POU2F2: variants seen among roughly 807,000 people sequenced by gnomAD.
POU2F2 encodes the protein POU class 2 homeobox 2.
POU2F2 carries 14 observed loss-of-function variants against 63.5 expected under a neutral mutation model. The ratio of observed to expected loss-of-function variants is 0.22; its 90% CI spans 0.15 to 0.34. The LOEUF (loss-of-function observed/expected upper bound fraction) is 0.34. POU2F2 is among the 10% of genes least tolerant of loss of function. POU2F2 has a pLI of 1.00. For synonymous variants in POU2F2, 306 were observed against 348.6 expected (o/e 0.88, Z 1.36); for missense variants, 607 against 815.2 (o/e 0.74, Z 3.11).
intron 2 of POU2F2, among the ~76,000 whole-genome samples, chr19:42,158,570 T>C (rs1273537776): frequency 1.3e-5 from 2 of 152,180 alleles, no homozygotes; most frequent in Non-Finnish European, 2.9e-5. Context: ...CTGTGAGGAT[T>C]AAAAGCAAAG....
intron 14 of POU2F2, 32 bp downstream of exon 14, chr19:42,091,835 T>C: frequency 6.5e-7 from 1 of 1,539,372 alleles, no homozygotes; most frequent in Non-Finnish European, 8.7e-7. Context: ...ATAGGGCTGG[T>C]GACGATGGGT....
Position 42,126,593 on chromosome 19 carries a change from A to G in POU2F2, c.29-4017T>C, listed in dbSNP as rs367618028. On this transcript the variant is annotated intron_variant, in intron 1 of 14. Coordinates refer to ENST00000692977, the MANE Select transcript of POU2F2 (RefSeq NM_001394376.1). The stretch of plus-strand genomic sequence containing the variant: ...AACCCTGCTGACATCCTCGTCTTTA[A>G]CTTACAGCCTCCGTAATTGTGAAAA... Among the ~76,000 whole-genome samples the G allele has an allele frequency of 1.4e-4, 21 of 152,324 alleles. No individual in the cohort carries two copies. In the East Asian group the frequency reaches 1.9e-3, roughly 14 times the overall value.
rs1202860576 is a variant in POU2F2, at chr19:42,162,547, C to T, written c.-69-2155G>A. ...CTGATGTGTCTGACTCCAAAGCCTA[C>T]ATTTCCTGCAGCTGTGCACATAAAG... On this transcript the variant is annotated intron_variant, in intron 1 of 6. Coordinates refer to the POU2F2 transcript ENST00000524801. This position sits in a 1 kb window ranked among gnomAD's most constrained non-coding sequence, Gnocchi z 4.1. Among the ~76,000 whole-genome samples, 3 of 152,192 alleles carry T rather than the reference C, an allele frequency of 2.0e-5. No individual in the cohort carries two copies. Among genetic ancestry groups the T allele is most frequent in the Non-Finnish European group, 4.4e-5 (3 of 68,034 alleles).
At chr19:42,099,882 T>G in intron 5 of POU2F2, 61 bp from the exon 6 acceptor site, 1 of 1,352,104 alleles carries the variant, frequency 7.4e-7, no homozygotes. Flanking sequence ...TCATCCTCTC[T>G]GCATCACCTG....
intron 1 of POU2F2, among the ~76,000 whole-genome samples, chr19:42,164,375 G>A (rs1199576733): frequency 2.0e-5 from 3 of 151,690 alleles, no homozygotes; most frequent in Admixed American, 1.3e-4. Flanking sequence ...CGGATCACCT[G>A]AGGTCAGGAG....
chr19:42,099,499 G>T, intron 7 of POU2F2, 28 bp downstream of exon 7: 1 of 1,567,066 alleles, frequency 6.4e-7, no homozygotes, highest in Non-Finnish European at 8.8e-7. Flanking sequence ...TGCTGGCCTG[G>T]CCTGGTGCAC....
chr19:42,097,214 T>TTTG (rs2076954441), intron 7 of POU2F2, among the ~76,000 whole-genome samples: 1 of 143,866 alleles, frequency 7.0e-6, no homozygotes. Context: ...TTTTTTTTTT[T>TTTG]GAGATGGAGT....
intron 1 of POU2F2, among the ~76,000 whole-genome samples, chr19:42,189,897 T>C (rs1412754088): frequency 6.6e-6 from 1 of 152,190 alleles, no homozygotes; most frequent in Non-Finnish European, 1.5e-5. Context: ...GGCTAATTTT[T>C]TTTTATTTTT....
At chr19:42,195,284 G>GA (rs2035128664) in intron 1 of POU2F2, among the ~76,000 whole-genome samples, 1 of 151,118 alleles carries the variant, frequency 6.6e-6, no homozygotes, top group Non-Finnish European at 1.5e-5. Flanking sequence ...GGAAAGGAGG[G>GA]AGGTTTCCTC....
intron 2 of POU2F2, among the ~76,000 whole-genome samples, chr19:42,150,622 C>T (rs1187529954): frequency 1.3e-5 from 2 of 150,874 alleles, no homozygotes; most frequent in Non-Finnish European, 3.0e-5. Context: ...GCGACCAGGG[C>T]CCGAGCCGCC....
intron 2 of POU2F2, among the ~76,000 whole-genome samples, chr19:42,149,537 A>C (rs1458341510): frequency 6.6e-6 from 1 of 152,178 alleles, no homozygotes. Context: ...GGGGACTATC[A>C]AGGTAGAACA....
chr19:42,196,705 C>T (rs190621699), upstream of POU2F2: 4 of 152,538 alleles, frequency 2.6e-5, no homozygotes, highest in Admixed American at 2.0e-4. Flanking sequence ...TCCCTCACCC[C>T]CCGCGCCTCG....
Position 42,153,794 on chromosome 19 carries a change from G to A in POU2F2, c.-9+6538C>T, listed in dbSNP as rs1284719259. On this transcript the variant is annotated intron_variant, in intron 2 of 6. Coordinates refer to the POU2F2 transcript ENST00000524801. The surrounding 1 kb of genome is among the most constrained non-coding windows in gnomAD (Gnocchi z 5.6). ...AGACGGCACGGTGTATGTGTGTAGA[G>A]GCTACAACCCTGAGTCTCTGAGTGG... is the stretch of plus-strand genomic sequence containing the variant. Among the ~76,000 whole-genome samples, 1 of 151,998 alleles carries A rather than the reference G, an allele frequency of 6.6e-6. No individual in the cohort carries two copies. The highest frequency in any genetic ancestry group is 2.4e-5 in the African/African-American group (1 of 41,336).
intron 2 of POU2F2, among the ~76,000 whole-genome samples, chr19:42,151,571 G>A (rs935673898): frequency 4.8e-4 from 73 of 152,204 alleles, no homozygotes; most frequent in African/African-American, 1.6e-3. Flanking sequence ...CAATCCCTAC[G>A]GATCCCAGAG....
At chr19:42,186,611 T>C (rs1223002951) in intron 1 of POU2F2, among the ~76,000 whole-genome samples, 1 of 151,852 alleles carries the variant, frequency 6.6e-6, no homozygotes, top group African/African-American at 2.4e-5. Context: ...TTTGAGAATA[T>C]GAATCTGAGA....
intron 2 of POU2F2, among the ~76,000 whole-genome samples, chr19:42,149,261 C>T (rs995992823): frequency 5.3e-5 from 8 of 152,192 alleles, no homozygotes; most frequent in Non-Finnish European, 8.8e-5. Context: ...TTCCCAGCTC[C>T]ATCTCTGCGA....
chr19:42,096,070 G>A lies in POU2F2; in HGVS notation c.729+12C>T, dbSNP rs1340922258. The stretch of plus-strand genomic sequence containing the variant: ...CCACGCCCACCGCCCAGCCTGCAAG[G>A]TGCCTCCAGACCTGCGTGAAGCCCA... On this transcript the variant is annotated intron_variant, in intron 8 of 14. Coordinates refer to ENST00000692977, the MANE Select transcript of POU2F2 (RefSeq NM_001394376.1). This position sits in a 1 kb window ranked among gnomAD's most constrained non-coding sequence, Gnocchi z 4.1. The A allele has an allele frequency of 6.2e-7, 1 of 1,613,076 alleles. No homozygotes were observed. The highest frequency in any genetic ancestry group is 1.1e-5 in the South Asian group (1 of 90,976).
At chr19:42,138,797 C>G (rs1175352950) in intron 2 of POU2F2, among the ~76,000 whole-genome samples, 1 of 152,076 alleles carries the variant, frequency 6.6e-6, no homozygotes, top group African/African-American at 2.4e-5. Context: ...AGAAGGGAAG[C>G]AGGGGGAAGA....
chr19:42,128,644 T>C (rs1358963851), intron 1 of POU2F2, among the ~76,000 whole-genome samples: 2 of 152,156 alleles, frequency 1.3e-5, no homozygotes, highest in African/African-American at 4.8e-5. Flanking sequence ...TCCAGGGCAC[T>C]AGCAATCATA....
Sources: gnomAD v4.1 joint callset for allele counts (sites outside exome capture counted in the v4.1 genomes callset) on GRCh38, gnomAD v4.1.1 for gene constraint, Gnocchi (gnomAD v3.1) non-coding constraint, MANE v1.5 for transcripts, NCBI Gene and HGNC (gene_info 2026-07-23, HGNC 2026-07-21) for gene names.